Variants in TRPM3 observed in about 807,000 individuals in gnomAD.
The protein encoded by TRPM3 is long transient receptor potential channel 3.
In TRPM3, 77 loss-of-function variants were observed where a neutral mutation model predicts 181.2. That is an observed-to-expected ratio of 0.42 (90% CI 0.35 to 0.51). The LOEUF (loss-of-function observed/expected upper bound fraction) is 0.51. Ranked by LOEUF, TRPM3 falls within the 20% of genes least tolerant of loss-of-function variation. TRPM3 has a pLI of 0.01. For synonymous variants in TRPM3, 745 were observed against 796.4 expected, an observed-to-expected ratio of 0.94 and a Z score of 1.09; for missense variants, 1,759 against 2,196.7, an observed-to-expected ratio of 0.80 and a Z score of 3.98.
chr9:70,969,300 G>T lies in TRPM3; in HGVS notation c.178-104789C>A, dbSNP rs899903563. On this transcript the variant is annotated intron_variant, in intron 1 of 25. Transcript: ENST00000677713. ...GGGGTGGGGGGCTAGGGGAGGGATA[G>T]CATTAGGAGAAATACCTAATGCAGG... Among the ~76,000 whole-genome samples, 54 of 152,120 alleles carry T rather than the reference G, an allele frequency of 3.5e-4. 1 individual carries two copies. Among genetic ancestry groups the T allele is most frequent in the Middle Eastern group, 3.4e-3 (1 of 294 alleles).
chr9:71,393,802 G>C (rs961332441), intron 1 of TRPM3, among the ~76,000 whole-genome samples: 1 of 152,160 alleles, frequency 6.6e-6, no homozygotes, highest in Non-Finnish European at 1.5e-5. Flanking sequence ...AGCACACTCA[G>C]ATCATTAAGT....
intron 1 of TRPM3, among the ~76,000 whole-genome samples, chr9:71,254,256 A>C (rs958509553): frequency 6.6e-6 from 1 of 152,174 alleles, no homozygotes; most frequent in African/African-American, 2.4e-5. Context: ...CAAGCGCAGA[A>C]AGGTAAATAC....
chr9:70,627,176 T>C (rs2064803252), intron 12 of TRPM3, among the ~76,000 whole-genome samples: 1 of 152,050 alleles, frequency 6.6e-6, no homozygotes, highest in East Asian at 1.9e-4. Flanking sequence ...TAATGCTGTA[T>C]CTGGAATTCA....
At chr9:71,436,718 A>C (rs1047067798) in intron 1 of TRPM3, among the ~76,000 whole-genome samples, 1 of 152,282 alleles carries the variant, frequency 6.6e-6, no homozygotes, top group East Asian at 1.9e-4. Context: ...GGAAAAGGCA[A>C]GCAAATAGAT....
chr9:71,386,679 T>G (rs989134389), intron 1 of TRPM3, among the ~76,000 whole-genome samples: 2 of 152,200 alleles, frequency 1.3e-5, no homozygotes, highest in African/African-American at 2.4e-5. Flanking sequence ...CTATATGATA[T>G]TATTCATTAT....
intron 25 of TRPM3, among the ~76,000 whole-genome samples, chr9:70,541,907 G>T (rs778535234): frequency 6.6e-6 from 1 of 152,148 alleles, no homozygotes; most frequent in Non-Finnish European, 1.5e-5. Context: ...TGGATCACTC[G>T]AGCCCAGGAG....
intron 1 of TRPM3, among the ~76,000 whole-genome samples, chr9:71,175,098 T>C (rs1025211296): frequency 2.0e-5 from 3 of 152,164 alleles, no homozygotes; most frequent in Admixed American, 6.6e-5. Flanking sequence ...TGACCAGAGA[T>C]GCAGAGCAGT....
At chr9:70,865,830 T>G (rs1484108956) in intron 1 of TRPM3, among the ~76,000 whole-genome samples, 1 of 152,064 alleles carries the variant, frequency 6.6e-6, no homozygotes, top group Non-Finnish European at 1.5e-5. Context: ...ATGGTGAATA[T>G]CAGATGGAAT....
chr9:71,322,783 T>G lies in TRPM3; in HGVS notation c.183+123870A>C, dbSNP rs571886041. 1.4e-4 allele frequency among the ~76,000 whole-genome samples: 22 copies of G among 152,278 alleles called. No individual in the cohort carries two copies. The South Asian group carries it at 4.6e-3, about 32-fold the overall frequency. On this transcript the variant is annotated intron_variant, in intron 1 of 24. Transcript: ENST00000357533. ...ATTTTCAAAATAATGACTTGCACAT[T>G]TATGCAATCCTCTCCAGATCCCAGC...
chr9:71,410,449 A>G (rs1400557881), intron 1 of TRPM3, among the ~76,000 whole-genome samples: 3 of 152,232 alleles, frequency 2.0e-5, no homozygotes, highest in African/African-American at 4.8e-5. Flanking sequence ...CCACAGAAAT[A>G]CAAACTACCA....
In TRPM3 at chr9:70,784,060, A is replaced by C. The variant is rs10116244; in HGVS notation, c.1148+45T>G. The C allele has an allele frequency of 6.3e-4, 999 of 1,578,272 alleles. 7 individuals are homozygous for C. In the African/African-American group the frequency reaches 0.011, roughly 18 times the overall value. ...ATAATCCACTCATACCCTCGTTTCC[A>C]AACAGGCTTTAGGGTTCTTCCATGG... On this transcript the variant is annotated intron_variant, in intron 7 of 25. Coordinates refer to ENST00000677713, the MANE Select transcript of TRPM3 (RefSeq NM_001366145.2).
intron 1 of TRPM3, among the ~76,000 whole-genome samples, chr9:70,959,148 TATA>T (rs753350351): frequency 1.3e-3 from 199 of 151,072 alleles, no homozygotes; most frequent in Middle Eastern, 3.4e-3. Context: ...AAACTTAAAG[TATA>T]ATAATAATAA....
rs145219331 is a variant in TRPM3, at chr9:71,305,383, A to T, written c.183+141270T>A. 2.5e-3 allele frequency among the ~76,000 whole-genome samples: 380 copies of T among 152,278 alleles called. 2 individuals carry two copies. The highest frequency in any genetic ancestry group is 0.014 in the Middle Eastern group (4 of 294). On this transcript the variant is annotated intron_variant, in intron 1 of 24. Coordinates refer to the TRPM3 transcript ENST00000357533. ...ATGGTGAGCCTCATAAAATGACTGC[A>T]TTCATCATACTAGGGGAGTAAGGCA... is the stretch of plus-strand genomic sequence containing the variant.
intron 1 of TRPM3, among the ~76,000 whole-genome samples, chr9:71,438,565 T>C (rs2094085019): frequency 6.6e-6 from 1 of 152,038 alleles, no homozygotes; most frequent in South Asian, 2.1e-4. Flanking sequence ...CCCAGCTACT[T>C]GGAAGGCTGA....
intron 1 of TRPM3, among the ~76,000 whole-genome samples, chr9:70,981,707 C>T (rs1032034342): frequency 1.3e-5 from 2 of 152,124 alleles, no homozygotes; most frequent in Non-Finnish European, 2.9e-5. Flanking sequence ...CAGAGTCTGG[C>T]TCGTTGTAAG....
At chr9:71,325,156 T>C (rs1028360091) in intron 1 of TRPM3, among the ~76,000 whole-genome samples, 1 of 152,078 alleles carries the variant, frequency 6.6e-6, no homozygotes, top group East Asian at 1.9e-4. Flanking sequence ...CCTCACAAGT[T>C]TGTACAAGTA....
chr9:71,166,370 G>A (rs1587737752), intron 1 of TRPM3, among the ~76,000 whole-genome samples: 1 of 152,070 alleles, frequency 6.6e-6, no homozygotes, highest in Admixed American at 6.6e-5. Flanking sequence ...CTTCTTCCAC[G>A]ACTTCTGTCT....
chr9:71,365,990 C>G (rs1321985022), intron 1 of TRPM3, among the ~76,000 whole-genome samples: 2 of 151,914 alleles, frequency 1.3e-5, no homozygotes, highest in Non-Finnish European at 2.9e-5. Flanking sequence ...GGGAGGGGTG[C>G]ATGTTAGGTA....
chr9:71,376,877 A>AT (rs1247714154), intron 1 of TRPM3, among the ~76,000 whole-genome samples: 3 of 152,072 alleles, frequency 2.0e-5, no homozygotes, highest in Admixed American at 6.6e-5. Context: ...AGTGTTCTCT[A>AT]TTTTTTATGC....
Sources: gnomAD v4.1 joint callset for allele counts (sites outside exome capture counted in the v4.1 genomes callset) on GRCh38, gnomAD v4.1.1 for gene constraint, MANE v1.5 for transcripts, NCBI Gene and HGNC (gene_info 2026-07-23, HGNC 2026-07-21) for gene names.